Variants in SLC30A8 observed in about 807,000 individuals in gnomAD.
SLC30A8 encodes proton-coupled zinc antiporter SLC30A8.
SLC30A8 carries 27 observed loss-of-function variants against 36.9 expected under a neutral mutation model. That is an observed-to-expected ratio of 0.73 (90% CI 0.54 to 1.01). The LOEUF is 1.01. SLC30A8 is among the 50% of genes least tolerant of loss of function. The pLI is 0.00. For synonymous variants in SLC30A8, 164 were observed against 172.4 expected, an observed-to-expected ratio of 0.95 and a Z score of 0.38; for missense variants, 439 against 452.0, an observed-to-expected ratio of 0.97 and a Z score of 0.26.
intron 2 of SLC30A8, among the ~76,000 whole-genome samples, chr8:117,086,431 A>G (rs1818880654): frequency 6.6e-6 from 1 of 152,224 alleles, no homozygotes; most frequent in Admixed American, 6.5e-5. Flanking sequence ...CAGTGTGGAA[A>G]ACTATGTGCA....
In SLC30A8 at chr8:117,091,069, ATCT is replaced by A. The variant is rs924080887; in HGVS notation, c.-225-44209_-225-44207del. Among the ~76,000 whole-genome samples, 29 of 151,248 alleles carry A rather than the reference ATCT, an allele frequency of 1.9e-4. No individual in the cohort carries two copies. In the East Asian group the frequency reaches 1.9e-3, roughly 10 times the overall value. On this transcript the variant is annotated intron_variant, in intron 2 of 10. Transcript: ENST00000427715. ...TTAGGTTAATCATTAATCTGAAAAC[ATCT>A]TTTTTTTTTTGCACTTAGATTGGCA...
At chr8:116,973,250 T>G (rs1326047528) in intron 1 of SLC30A8, among the ~76,000 whole-genome samples, 1 of 152,174 alleles carries the variant, frequency 6.6e-6, no homozygotes, top group African/African-American at 2.4e-5. Flanking sequence ...TGGTATTTTG[T>G]TGTAGCTGCT....
In SLC30A8 at chr8:117,008,832, C is replaced by G. The variant is rs569252812; in HGVS notation, c.-265-30387C>G. ...ATGAGGTCAAGCATTTGTTTTGTAT[C>G]TTAGTTTCTATTTCTTCTTAACCCT... On this transcript the variant is annotated intron_variant, in intron 1 of 10. Transcript: ENST00000427715. Among the ~76,000 whole-genome samples, 76 of 152,258 alleles carry G rather than the reference C, an allele frequency of 5.0e-4. 1 individual carries two copies. The highest frequency in any genetic ancestry group is 1.6e-3 in the African/African-American group (68 of 41,556).
At chr8:117,107,095 C>T (rs966391724) in intron 2 of SLC30A8, among the ~76,000 whole-genome samples, 29 of 152,104 alleles carry the variant, frequency 1.9e-4, no homozygotes, top group African/African-American at 6.0e-4. Flanking sequence ...GACTATTGAT[C>T]TATTTTCTTA....
intron 2 of SLC30A8, among the ~76,000 whole-genome samples, chr8:117,082,681 G>C (rs192327379): frequency 1.3e-5 from 2 of 152,220 alleles, no homozygotes; most frequent in Non-Finnish European, 2.9e-5. Flanking sequence ...AATCAACAGA[G>C]AGGACTGACA....
chr8:117,040,985 A>G (rs1817368457), intron 2 of SLC30A8, among the ~76,000 whole-genome samples: 1 of 152,142 alleles, frequency 6.6e-6, no homozygotes, highest in South Asian at 2.1e-4. Flanking sequence ...TAGAGTAACC[A>G]AAGAACCAGT....
chr8:117,127,462 A>T (rs1820953107), intron 2 of SLC30A8, among the ~76,000 whole-genome samples: 1 of 152,054 alleles, frequency 6.6e-6, no homozygotes. Flanking sequence ...TTGTTGGAAG[A>T]GACATTATTT....
chr8:117,068,797 G>A (rs573391400), intron 2 of SLC30A8, among the ~76,000 whole-genome samples: 138 of 152,088 alleles, frequency 9.1e-4, no homozygotes, highest in African/African-American at 3.0e-3. Flanking sequence ...GGCTGGTCTC[G>A]AACTCCTGAC....
chr8:117,060,215 A>G (rs1817988096), intron 2 of SLC30A8, among the ~76,000 whole-genome samples: 1 of 152,078 alleles, frequency 6.6e-6, no homozygotes, highest in Admixed American at 6.6e-5. Flanking sequence ...AGATAGTGGT[A>G]GAATATGGAA....
At chr8:117,076,810 AGAG>A (rs1818504312) in intron 2 of SLC30A8, among the ~76,000 whole-genome samples, 1 of 152,174 alleles carries the variant, frequency 6.6e-6, no homozygotes, top group South Asian at 2.1e-4. Flanking sequence ...TGCCTGGCAA[AGAG>A]GAGGAATTAA....
At chr8:117,025,513 G>A (rs751638220) in intron 1 of SLC30A8, among the ~76,000 whole-genome samples, 7 of 152,188 alleles carry the variant, frequency 4.6e-5, no homozygotes, top group Non-Finnish European at 1.0e-4. Context: ...TTGAGTGAAT[G>A]AATGATTGAA....
chr8:117,016,657 C>G (rs1816529614), intron 1 of SLC30A8, among the ~76,000 whole-genome samples: 1 of 152,124 alleles, frequency 6.6e-6, no homozygotes, highest in Admixed American at 6.6e-5. Context: ...ATTTACATAG[C>G]AAGTTTACAG....
chr8:117,051,629 C>T (rs914377814), intron 2 of SLC30A8, among the ~76,000 whole-genome samples: 43 of 151,962 alleles, frequency 2.8e-4, no homozygotes, highest in Non-Finnish European at 4.0e-4. Context: ...CTGGCTAACA[C>T]GGTGAAACCC....
At chr8:117,042,604 C>T (rs962573030) in intron 2 of SLC30A8, among the ~76,000 whole-genome samples, 3 of 151,700 alleles carry the variant, frequency 2.0e-5, no homozygotes, top group African/African-American at 4.8e-5. Context: ...GAGTCATCCT[C>T]TGGGAAACAG....
At chr8:117,069,505 G>A (rs1232488533) in intron 2 of SLC30A8, among the ~76,000 whole-genome samples, 3 of 152,172 alleles carry the variant, frequency 2.0e-5, no homozygotes, top group Admixed American at 1.3e-4. Context: ...GGGGTCAGTG[G>A]CCCCCAATTT....
At chr8:116,971,285 T>C (rs1033848830) in intron 1 of SLC30A8, among the ~76,000 whole-genome samples, 4 of 151,728 alleles carry the variant, frequency 2.6e-5, no homozygotes, top group Admixed American at 2.0e-4. Context: ...AGTAATGTTA[T>C]AGAGGCATTC....
At chr8:117,099,111 A>G (rs1271303286) in intron 2 of SLC30A8, among the ~76,000 whole-genome samples, 1 of 152,178 alleles carries the variant, frequency 6.6e-6, no homozygotes, top group Non-Finnish European at 1.5e-5. Flanking sequence ...TATAAAGTAT[A>G]AGATATGTAT....
Position 117,106,008 on chromosome 8 carries a change from T to G in SLC30A8, c.-225-29272T>G, listed in dbSNP as rs561887821. Among the ~76,000 whole-genome samples the G allele has an allele frequency of 7.2e-5, 11 of 152,286 alleles. No homozygotes were observed. The South Asian group carries it at 2.1e-3, about 29-fold the overall frequency. On this transcript the variant is annotated intron_variant, in intron 2 of 10. Transcript: ENST00000427715. Reference sequence around the variant, plus strand: ...AATGTACATCATACTTTGTCAGACTTTTTTTTCAGTTGCAGCTCTTCGTTG... The same window carrying G: ...AATGTACATCATACTTTGTCAGACTGTTTTTTCAGTTGCAGCTCTTCGTTG...
intron 2 of SLC30A8, among the ~76,000 whole-genome samples, chr8:117,097,935 A>T (rs187799516): frequency 3.0e-5 from 3 of 100,822 alleles, no homozygotes; most frequent in African/African-American, 1.3e-4. Context: ...TATATATTAT[A>T]TATAATATAT....
Sources: allele counts gnomAD v4.1 joint callset (sites outside exome capture counted in the v4.1 genomes callset), GRCh38; gene constraint gnomAD v4.1.1; transcripts MANE v1.5; gene names NCBI Gene and HGNC (gene_info 2026-07-23, HGNC 2026-07-21).